The following MYO16 variants were observed in gnomAD, a reference collection of about 807,000 sequenced individuals.
The protein encoded by MYO16 is myosin XVI, also known as unconventional myosin-XVI.
Under a neutral mutation model 205.3 loss-of-function variants are expected in MYO16, and 94 were observed. The observed-to-expected ratio is 0.46, with a 90% CI of 0.39 to 0.54. MYO16 has a LOEUF of 0.54. MYO16 is among the 20% of genes least tolerant of loss of function. The pLI is 0.00. For missense variants in MYO16, 2,315 were observed against 2,387.5 expected (o/e 0.97, Z 0.63); for synonymous variants, 988 against 954.0 (o/e 1.04, Z -0.66).
At chr13:108,547,821 C>T in the MYO16 span, among the ~76,000 whole-genome samples, 2 of 152,172 alleles carry the variant, frequency 1.3e-5, no homozygotes, top group African/African-American at 2.4e-5. Context: ...CTTCAGTGTG[C>T]ATACTGATTA....
the MYO16 span, among the ~76,000 whole-genome samples, chr13:108,539,824 A>G: frequency 1.3e-5 from 2 of 152,120 alleles, no homozygotes; most frequent in Non-Finnish European, 2.9e-5. Flanking sequence ...GAGTAGATCA[A>G]TATTTCATTT....
intron 16 of MYO16, among the ~76,000 whole-genome samples, chr13:108,955,377 C>T (rs1261525742): frequency 1.3e-5 from 2 of 152,178 alleles, no homozygotes; most frequent in Non-Finnish European, 2.9e-5. Flanking sequence ...ACACCCCACT[C>T]CAGCCCCTAG....
chr13:108,855,201 A>G, intron 10 of MYO16: 1 of 365,382 alleles, frequency 2.7e-6, no homozygotes. Flanking sequence ...GCTAACAGAC[A>G]GGGTGTGTGC....
intron 1 of MYO16, among the ~76,000 whole-genome samples, chr13:108,636,369 TTGTGTGTG>T (rs71125327): frequency 5.8e-5 from 3 of 51,366 alleles, no homozygotes; most frequent in African/African-American, 5.8e-5. Context: ...TTTTTTTTTT[TTGTGTGTG>T]TGTGTGTGTG....
chr13:109,007,539 CGTGTGT>C (rs71125360), intron 21 of MYO16, among the ~76,000 whole-genome samples: 21,718 of 133,360 alleles, frequency 0.16, 2,000 homozygotes, highest in African/African-American at 0.25. Context: ...AGAAATCAGC[CGTGTGT>C]GTGTGTGTGT....
In MYO16 at chr13:108,955,724, G is replaced by A. The variant is rs540080359; in HGVS notation, c.1926-1964G>A. 3.3e-5 allele frequency among the ~76,000 whole-genome samples: 5 copies of A among 152,222 alleles called. No homozygotes were observed. In the East Asian group the frequency reaches 9.7e-4, roughly 30 times the overall value. On this transcript the variant is annotated intron_variant, in intron 16 of 34. Transcript: ENST00000457511. ...AAATTAGCCGGGCACGGTGGCAGGC[G>A]CCTGTAATCCCAGCTACCCAGGAGG...
intron 2 of MYO16, among the ~76,000 whole-genome samples, chr13:108,710,292 C>A (rs1385351316): frequency 6.6e-6 from 1 of 152,196 alleles, no homozygotes; most frequent in Non-Finnish European, 1.5e-5. Flanking sequence ...TAAAGATTCA[C>A]TTTCTCCATG....
chr13:108,657,842 C>T (rs539567642), intron 1 of MYO16, among the ~76,000 whole-genome samples: 1 of 152,082 alleles, frequency 6.6e-6, no homozygotes, highest in Non-Finnish European at 1.5e-5. Context: ...TTTTTCTATG[C>T]TAAGACCTTC....
chr13:108,915,356 CAA>C (rs1881450254), intron 16 of MYO16, among the ~76,000 whole-genome samples: 2 of 152,088 alleles, frequency 1.3e-5, no homozygotes, highest in African/African-American at 4.8e-5. Context: ...ACGAGAAAAA[CAA>C]AACAAAACAA....
At chr13:109,126,829 C>T (rs1876274221) in intron 30 of MYO16, among the ~76,000 whole-genome samples, 1 of 152,150 alleles carries the variant, frequency 6.6e-6, no homozygotes, top group Non-Finnish European at 1.5e-5. Flanking sequence ...AGTCTATCCT[C>T]TTGCGAGGGG....
At chr13:108,992,290 G>A in intron 20 of MYO16, 86 bp from the exon 21 acceptor site, 1 of 883,062 alleles carries the variant, frequency 1.1e-6, no homozygotes. Context: ...CTAAGTGGCT[G>A]GATTCTTCTG....
intron 27 of MYO16, among the ~76,000 whole-genome samples, chr13:109,071,988 T>C (rs1416660007): frequency 5.3e-5 from 8 of 152,218 alleles, no homozygotes; most frequent in African/African-American, 1.9e-4. Flanking sequence ...TAGTTGGCTT[T>C]AGTTCTTTAT....
At chr13:108,869,718 G>T (rs367772495) in intron 12 of MYO16, among the ~76,000 whole-genome samples, 2 of 119,810 alleles carry the variant, frequency 1.7e-5, no homozygotes, top group African/African-American at 3.4e-5. Flanking sequence ...GCGACAGAGC[G>T]AGACTCCGTT....
chr13:108,881,602 T>C (rs1389502550), intron 12 of MYO16, among the ~76,000 whole-genome samples: 1 of 152,148 alleles, frequency 6.6e-6, no homozygotes, highest in Admixed American at 6.5e-5. Flanking sequence ...AGGTCTTAAA[T>C]GACCTGATGG....
chr13:108,687,421 A>C (rs1882722355), intron 2 of MYO16, among the ~76,000 whole-genome samples: 1 of 152,166 alleles, frequency 6.6e-6, no homozygotes, highest in East Asian at 1.9e-4. Context: ...CAGGCTTGTC[A>C]CTTCTCCCTC....
intron 23 of MYO16, among the ~76,000 whole-genome samples, chr13:109,033,120 C>T (rs1886596971): frequency 6.6e-6 from 1 of 152,118 alleles, no homozygotes. Flanking sequence ...TTTTGCTATT[C>T]AGAGGCATTG....
At chr13:108,621,680 C>A (rs143685691) in intron 1 of MYO16, among the ~76,000 whole-genome samples, 3 of 152,028 alleles carry the variant, frequency 2.0e-5, no homozygotes, top group Non-Finnish European at 4.4e-5. Context: ...CTCTTGGCTG[C>A]GGTGTTAGGT....
chr13:108,678,839 C>G (rs1304466068), intron 2 of MYO16, among the ~76,000 whole-genome samples: 2 of 152,182 alleles, frequency 1.3e-5, no homozygotes, highest in Non-Finnish European at 2.9e-5. Context: ...GGCCCAGTGG[C>G]TTAAACAATA....
intron 23 of MYO16, among the ~76,000 whole-genome samples, chr13:109,035,568 C>T (rs762030059): frequency 1.3e-5 from 2 of 152,130 alleles, no homozygotes; most frequent in Non-Finnish European, 2.9e-5. Flanking sequence ...CCTGCAATCC[C>T]AGCTACTCAG....
Sources: gnomAD v4.1 joint callset for allele counts (sites outside exome capture counted in the v4.1 genomes callset) on GRCh38, gnomAD v4.1.1 for gene constraint, MANE v1.5 for transcripts, NCBI Gene and HGNC (gene_info 2026-07-23, HGNC 2026-07-21) for gene names.